PIGK: variants seen among roughly 807,000 people sequenced by gnomAD.
PIGK encodes the protein phosphatidylinositol glycan anchor biosynthesis class K, also known as GPI-anchor transamidase.
Under a neutral mutation model 50.6 loss-of-function variants are expected in PIGK, and 42 were observed. The observed-to-expected ratio is 0.83, with a 90% confidence interval of 0.65 to 1.07. The LOEUF is 1.07. Ranked by LOEUF, PIGK falls within the 50% of genes least tolerant of loss-of-function variation. The pLI is 0.00. For synonymous variants in PIGK, 151 were observed against 156.0 expected, an observed-to-expected ratio of 0.97 and a Z score of 0.24; for missense variants, 448 against 488.7, an observed-to-expected ratio of 0.92 and a Z score of 0.78.
At chr1:77,190,065 T>C (rs1201229621) in intron 3 of PIGK, among the ~76,000 whole-genome samples, 1 of 151,966 alleles carries the variant, frequency 6.6e-6, no homozygotes, top group African/African-American at 2.4e-5. Context: ...AACTTTGCAT[T>C]ATGCTGAAAC....
At chr1:77,153,345 TAGGG>T (rs1436994422) in intron 9 of PIGK, among the ~76,000 whole-genome samples, 7 of 152,052 alleles carry the variant, frequency 4.6e-5, no homozygotes, top group African/African-American at 1.7e-4. Context: ...AGAGGCTGGG[TAGGG>T]AAAGTGTTTG....
chr1:77,108,145 G>T (rs1653736888), intron 10 of PIGK, among the ~76,000 whole-genome samples: 1 of 152,138 alleles, frequency 6.6e-6, no homozygotes, highest in Non-Finnish European at 1.5e-5. Context: ...ATGTTAGCTG[G>T]TTATTTCGCT....
chr1:77,113,843 A>G (rs1165100948), intron 10 of PIGK, among the ~76,000 whole-genome samples: 1 of 152,110 alleles, frequency 6.6e-6, no homozygotes, highest in African/African-American at 2.4e-5. Context: ...ATTTTAAATA[A>G]GCAAAGATAA....
At chr1:77,180,642 C>T (rs1655589564) in intron 3 of PIGK, among the ~76,000 whole-genome samples, 2 of 129,094 alleles carry the variant, frequency 1.5e-5, no homozygotes, top group African/African-American at 5.9e-5. Context: ...AAACATAAGA[C>T]ATCAATCAAC....
At chr1:77,161,854 A>G (rs1286038318) in intron 6 of PIGK, 143 bp from the exon 7 acceptor site, 8 of 625,600 alleles carry the variant, frequency 1.3e-5, no homozygotes, top group Non-Finnish European at 2.3e-5. Flanking sequence ...CCCAACAGAA[A>G]TTTGACCTCA....
chr1:77,137,461 G>A (rs1394637276), intron 9 of PIGK, among the ~76,000 whole-genome samples: 1 of 152,100 alleles, frequency 6.6e-6, no homozygotes, highest in Non-Finnish European at 1.5e-5. Flanking sequence ...TTTTTAATTT[G>A]AATAATTGTG....
At chr1:77,158,323 T>C (rs1346869695) in intron 8 of PIGK, among the ~76,000 whole-genome samples, 2 of 143,174 alleles carry the variant, frequency 1.4e-5, no homozygotes, top group African/African-American at 5.8e-5. Context: ...AGCCTAAATC[T>C]CTCTTTTTTT....
intron 10 of PIGK, among the ~76,000 whole-genome samples, chr1:77,112,474 C>T (rs1199096495): frequency 6.6e-6 from 1 of 151,956 alleles, no homozygotes; most frequent in East Asian, 1.9e-4. Flanking sequence ...TTTGGTGGAT[C>T]CCTGGATTTG....
At chr1:77,195,381 C>A in intron 3 of PIGK, 1 of 1,201,818 alleles carries the variant, frequency 8.3e-7, no homozygotes. Flanking sequence ...ACTACATCAG[C>A]ACGCAGAGTG....
chr1:77,138,161 G>A (rs1470147115), intron 9 of PIGK, among the ~76,000 whole-genome samples: 1 of 152,132 alleles, frequency 6.6e-6, no homozygotes, highest in African/African-American at 2.4e-5. Context: ...AAAAGTGAGG[G>A]AATTTTGCAA....
At chr1:77,110,194 T>C (rs1653804039) in intron 10 of PIGK, among the ~76,000 whole-genome samples, 2 of 152,152 alleles carry the variant, frequency 1.3e-5, no homozygotes, top group South Asian at 4.1e-4. Context: ...CCCAAGGTAA[T>C]TTATAGATTC....
chr1:77,136,166 A>C (rs1654508601), intron 9 of PIGK, among the ~76,000 whole-genome samples: 1 of 152,212 alleles, frequency 6.6e-6, no homozygotes, highest in Admixed American at 6.5e-5. Context: ...TTCTAAGCTA[A>C]TAGTAATTTT....
intron 5 of PIGK, among the ~76,000 whole-genome samples, chr1:77,166,123 C>T (rs1655227567): frequency 6.6e-6 from 1 of 152,062 alleles, no homozygotes; most frequent in Non-Finnish European, 1.5e-5. Context: ...ATAGCTAAAT[C>T]ATTACATATA....
intron 9 of PIGK, among the ~76,000 whole-genome samples, chr1:77,127,682 ATAAT>A (rs1292194501): frequency 2.0e-5 from 3 of 152,228 alleles, no homozygotes; most frequent in African/African-American, 4.8e-5. Context: ...ATATCAATAA[ATAAT>A]TAAAGACACA....
intron 10 of PIGK, among the ~76,000 whole-genome samples, chr1:77,116,887 T>C (rs1570194284): frequency 6.6e-6 from 1 of 152,222 alleles, no homozygotes; most frequent in East Asian, 1.9e-4. Flanking sequence ...ACATAAAATA[T>C]TGATAATATA....
In PIGK at chr1:77,161,578, G is replaced by A. The variant is rs765429307; in HGVS notation, c.702+16C>T. On this transcript the variant is annotated intron_variant, in intron 7 of 10. Coordinates refer to ENST00000370812, the MANE Select transcript of PIGK (RefSeq NM_005482.3). ...ATTCCAAAGACACAGTTTACAAATG[G>A]GGAAAATGCACATACCGAGAGTGAA... The A allele has an allele frequency of 1.9e-5, 22 of 1,139,102 alleles. 1 individual carries two copies. In the South Asian group the frequency reaches 2.7e-4, roughly 14 times the overall value. The allele number at this position is 1,139,102 out of a possible 1,614,324, so 70.6% of individuals were successfully genotyped here. A position where few individuals can be genotyped will look rare whatever the true frequency, so the allele number is the denominator to read the frequency against.
chr1:77,136,924 T>C (rs1410669849), intron 9 of PIGK, among the ~76,000 whole-genome samples: 3 of 152,220 alleles, frequency 2.0e-5, no homozygotes, highest in Non-Finnish European at 4.4e-5. Flanking sequence ...TCCTTTCAGG[T>C]ATGAGAAATC....
intron 10 of PIGK, among the ~76,000 whole-genome samples, chr1:77,116,291 C>G (rs1653961425): frequency 6.6e-6 from 1 of 152,078 alleles, no homozygotes; most frequent in African/African-American, 2.4e-5. Context: ...TCACACCATT[C>G]TCCTGCCTCA....
chr1:77,134,354 T>C (rs1208159758), intron 9 of PIGK, among the ~76,000 whole-genome samples: 1 of 152,240 alleles, frequency 6.6e-6, no homozygotes, highest in South Asian at 2.1e-4. Flanking sequence ...GGTTATCAGA[T>C]GTTTTTTGCT....
Sources: allele counts gnomAD v4.1 joint callset (sites outside exome capture counted in the v4.1 genomes callset), GRCh38; gene constraint gnomAD v4.1.1; transcripts MANE v1.5; gene names NCBI Gene and HGNC (gene_info 2026-07-23, HGNC 2026-07-21).